ADAMTS12: variants seen among roughly 807,000 people sequenced by gnomAD.
The protein encoded by ADAMTS12 is A disintegrin and metalloproteinase with thrombospondin motifs 12.
A neutral mutation model predicts 167.8 loss-of-function variants in ADAMTS12; 118 were observed. The ratio of observed to expected loss-of-function variants is 0.70; its 90% CI spans 0.61 to 0.82. The LOEUF is 0.82. Among genes scored for constraint, ADAMTS12 ranks in the 40% least tolerant of loss-of-function variants. The pLI is 0.00. For synonymous variants in ADAMTS12, 704 were observed against 716.9 expected (o/e 0.98, Z 0.29); for missense variants, 1,916 against 1,998.8 (o/e 0.96, Z 0.79).
chr5:33,890,688 C>T (rs536958985), intron 1 of ADAMTS12, among the ~76,000 whole-genome samples: 10 of 152,200 alleles, frequency 6.6e-5, no homozygotes, highest in East Asian at 1.9e-4. Context: ...GCTCTGTGTG[C>T]GTGTGCATGC....
In ADAMTS12 at chr5:33,791,746, T is replaced by G. The variant is rs1158470746; in HGVS notation, c.490-40198A>C. 1.3e-5 allele frequency among the ~76,000 whole-genome samples: 2 copies of G among 151,584 alleles called. 1 individual carries two copies. On this transcript the variant is annotated intron_variant, in intron 2 of 23. Transcript: ENST00000504830. ...ATATCCTTCCAAACCACCCAATCAATTCCACTCTTTTTTATTTCCTTTTCT... is the reference window on the plus strand; with the variant it reads ...ATATCCTTCCAAACCACCCAATCAAGTCCACTCTTTTTTATTTCCTTTTCT...
intron 21 of ADAMTS12, among the ~76,000 whole-genome samples, chr5:33,548,731 C>T (rs1288700403): frequency 6.6e-6 from 1 of 152,092 alleles, no homozygotes; most frequent in Non-Finnish European, 1.5e-5. Flanking sequence ...CACACACACT[C>T]GTTATTTGTA....
intron 16 of ADAMTS12, among the ~76,000 whole-genome samples, chr5:33,610,190 G>T (rs186043235): frequency 6.6e-6 from 1 of 151,502 alleles, no homozygotes; most frequent in East Asian, 1.9e-4. Flanking sequence ...TCAAACAAAC[G>T]AACAACAACA....
intron 2 of ADAMTS12, among the ~76,000 whole-genome samples, chr5:33,782,107 T>C (rs1746152018): frequency 6.6e-6 from 1 of 152,116 alleles, no homozygotes; most frequent in Admixed American, 6.6e-5. Flanking sequence ...ATTTTCTATT[T>C]TCTTCTCTTA....
chr5:33,560,826 G>T (rs1478700470), intron 20 of ADAMTS12, among the ~76,000 whole-genome samples: 1 of 146,896 alleles, frequency 6.8e-6, no homozygotes. Context: ...TGTAAATGAC[G>T]AGTTAATGGG....
At chr5:33,844,835 C>T (rs1748884552) in intron 2 of ADAMTS12, among the ~76,000 whole-genome samples, 1 of 152,098 alleles carries the variant, frequency 6.6e-6, no homozygotes, top group Non-Finnish European at 1.5e-5. Context: ...GTGATGCCTC[C>T]CCCGGACGCC....
intron 12 of ADAMTS12, among the ~76,000 whole-genome samples, chr5:33,632,497 G>C (rs1561183375): frequency 6.6e-6 from 1 of 152,188 alleles, no homozygotes; most frequent in Non-Finnish European, 1.5e-5. Context: ...TGGATAAGCT[G>C]TCTGACCAGA....
Position 33,793,010 on chromosome 5 carries a change from C to A in ADAMTS12, c.490-41462G>T, listed in dbSNP as rs188844056. 1.5e-3 allele frequency among the ~76,000 whole-genome samples: 222 copies of A among 152,354 alleles called. 1 individual carries two copies. Among genetic ancestry groups the A allele is most frequent in the African/African-American group, 5.0e-3 (208 of 41,584 alleles). On this transcript the variant is annotated intron_variant, in intron 2 of 23. Coordinates refer to ENST00000504830, the MANE Select transcript of ADAMTS12 (RefSeq NM_030955.4). ...CAAGCACAACAGCAGGCACTGAGTT[C>A]TGGGAACCAGGCTTAGTGTCCATGA... is the stretch of plus-strand genomic sequence containing the variant.
At chr5:33,849,931 T>G (rs184302363) in intron 2 of ADAMTS12, among the ~76,000 whole-genome samples, 1 of 152,018 alleles carries the variant, frequency 6.6e-6, no homozygotes, top group Non-Finnish European at 1.5e-5. Flanking sequence ...GTGTATATAA[T>G]ATATACACAC....
intron 2 of ADAMTS12, among the ~76,000 whole-genome samples, chr5:33,755,709 A>G (rs1745143700): frequency 6.6e-6 from 1 of 152,226 alleles, no homozygotes; most frequent in African/African-American, 2.4e-5. Context: ...ATGATAGTGT[A>G]AAAGACACAT....
chr5:33,729,337 A>T (rs1744094906), intron 3 of ADAMTS12, among the ~76,000 whole-genome samples: 1 of 152,220 alleles, frequency 6.6e-6, no homozygotes, highest in Admixed American at 6.5e-5. Flanking sequence ...TTACAGGTAT[A>T]AAGTTGCCAT....
rs561591950 is a variant in ADAMTS12, at chr5:33,559,759, T to C, written c.4125+1268A>G. ...AGCCTGGTATGGTGGTGCATGCCTG[T>C]AATCCCAGCTACCCGGAGGTTAAGG... On this transcript the variant is annotated intron_variant, in intron 20 of 23. Coordinates refer to ENST00000504830, the MANE Select transcript of ADAMTS12 (RefSeq NM_030955.4). 3.6e-4 allele frequency among the ~76,000 whole-genome samples: 55 copies of C among 152,194 alleles called. No homozygotes were observed. In the South Asian group the frequency reaches 0.01, roughly 29 times the overall value.
chr5:33,591,721 G>A (rs1747646567), intron 17 of ADAMTS12, among the ~76,000 whole-genome samples: 2 of 151,832 alleles, frequency 1.3e-5, no homozygotes, highest in Admixed American at 6.6e-5. Context: ...CTTTCATTTC[G>A]ATCAGAAGGT....
chr5:33,798,989 T>C (rs1343719369), intron 2 of ADAMTS12, among the ~76,000 whole-genome samples: 1 of 152,102 alleles, frequency 6.6e-6, no homozygotes, highest in African/African-American at 2.4e-5. Flanking sequence ...AGAAAGACAA[T>C]ACACAACTTT....
intron 2 of ADAMTS12, among the ~76,000 whole-genome samples, chr5:33,813,006 C>T (rs1747517419): frequency 6.6e-6 from 1 of 152,212 alleles, no homozygotes. Context: ...AAGTCAAACA[C>T]AAAAGAGTTT....
chr5:33,745,290 A>G (rs1744740076), intron 3 of ADAMTS12, among the ~76,000 whole-genome samples: 1 of 152,206 alleles, frequency 6.6e-6, no homozygotes, highest in African/African-American at 2.4e-5. Flanking sequence ...AGATGGCAGC[A>G]CAGGAATGAT....
intron 5 of ADAMTS12, among the ~76,000 whole-genome samples, chr5:33,675,939 T>G (rs2112246274): frequency 6.6e-6 from 1 of 152,294 alleles, no homozygotes; most frequent in East Asian, 1.9e-4. Context: ...GCGAGGGAAC[T>G]TGTGCTAAAC....
chr5:33,602,656 A>G (rs1183147034), intron 16 of ADAMTS12, among the ~76,000 whole-genome samples: 1 of 152,208 alleles, frequency 6.6e-6, no homozygotes, highest in Non-Finnish European at 1.5e-5. Context: ...GTATATGGTC[A>G]CAAATCAGGG....
intron 5 of ADAMTS12, among the ~76,000 whole-genome samples, chr5:33,666,745 C>T (rs1423664439): frequency 1.3e-5 from 2 of 152,160 alleles, no homozygotes; most frequent in Non-Finnish European, 2.9e-5. Flanking sequence ...CCTGCCTCAG[C>T]CTCCCAAAGT....
Sources: gnomAD v4.1 joint callset for allele counts (sites outside exome capture counted in the v4.1 genomes callset) on GRCh38, gnomAD v4.1.1 for gene constraint, MANE v1.5 for transcripts, NCBI Gene and HGNC (gene_info 2026-07-23, HGNC 2026-07-21) for gene names.